ATG7: variants seen among roughly 807,000 people sequenced by gnomAD.
The protein encoded by ATG7 is ubiquitin-like modifier-activating enzyme ATG7.
Under a neutral mutation model 82.4 loss-of-function variants are expected in ATG7, and 70 were observed. The observed-to-expected ratio is 0.85, with a 90% CI of 0.70 to 1.04. ATG7 has a LOEUF of 1.04. ATG7 is among the 50% of genes least tolerant of loss of function. The pLI, the probability that ATG7 is intolerant of heterozygous loss-of-function variation, is 0.00. For synonymous variants in ATG7, 287 were observed against 313.0 expected (o/e 0.92, Z 0.88); for missense variants, 792 against 864.3 (o/e 0.92, Z 1.05).
rs1167104398 is a variant in ATG7 at position 11,348,203 on chromosome 3, AAC to A, written c.1284+172_1284+173del. On this transcript the variant is annotated intron_variant, in intron 14 of 20. Coordinates refer to ENST00000693202, the MANE Select transcript of ATG7 (RefSeq NM_001349232.2). Reference sequence around the variant, plus strand: ...TCCTCATCTCAGAGAGGGATAAAAAAACACAACCAGGTCAGGCATGGTGGCTC... The same window carrying A: ...TCCTCATCTCAGAGAGGGATAAAAAAACAACCAGGTCAGGCATGGTGGCTC... The A allele has an allele frequency of 2.3e-5, 22 of 956,658 alleles. No homozygotes were observed. In the African/African-American group the frequency reaches 2.6e-4, roughly 11 times the overall value. The allele number at this position is 956,658 out of a possible 1,614,324, so 59.3% of individuals were successfully genotyped here. A position where few individuals can be genotyped will look rare whatever the true frequency, so the allele number is the denominator to read the frequency against.
At chr3:11,364,340 G>A (rs1312423232) in intron 17 of ATG7, among the ~76,000 whole-genome samples, 3 of 152,142 alleles carry the variant, frequency 2.0e-5, no homozygotes, top group Admixed American at 6.5e-5. Flanking sequence ...CATTGCACTC[G>A]GCAGTTGATG....
At chr3:11,284,052 T>G (rs934654429) in intron 3 of ATG7, among the ~76,000 whole-genome samples, 14 of 152,236 alleles carry the variant, frequency 9.2e-5, no homozygotes, top group Admixed American at 8.5e-4. Context: ...TTATGGAAAC[T>G]AGAGGCCTGT....
At chr3:11,558,623 C>T, downstream of ATG7, 2 of 1,608,668 alleles carry the variant, frequency 1.2e-6, no homozygotes, top group Non-Finnish European at 1.7e-6. Flanking sequence ...GGGCTGGCCC[C>T]TGCGAGAGGC....
intron 20 of ATG7, among the ~76,000 whole-genome samples, chr3:11,508,359 T>G (rs1392029319): frequency 6.6e-6 from 1 of 151,764 alleles, no homozygotes; most frequent in Admixed American, 6.6e-5. Flanking sequence ...AAGAAAAAAT[T>G]CATACTGTTT....
At chr3:11,298,312 C>G (rs1464484785) in intron 3 of ATG7, among the ~76,000 whole-genome samples, 3 of 152,158 alleles carry the variant, frequency 2.0e-5, no homozygotes, top group Non-Finnish European at 4.4e-5. Context: ...ATGCCATTTA[C>G]ATGAAGTAGT....
intron 20 of ATG7, among the ~76,000 whole-genome samples, chr3:11,453,803 G>C (rs1442404969): frequency 6.6e-6 from 1 of 152,188 alleles, no homozygotes; most frequent in Non-Finnish European, 1.5e-5. Flanking sequence ...CCTCAGTGAT[G>C]GGGGAGTGCA....
At chr3:11,276,973 A>T (rs896056649) in intron 1 of ATG7, among the ~76,000 whole-genome samples, 1 of 151,648 alleles carries the variant, frequency 6.6e-6, no homozygotes, top group Non-Finnish European at 1.5e-5. Flanking sequence ...AATCTTGCCA[A>T]TTCCTCTCCT....
At chr3:11,516,841 G>C (rs1206524766) in intron 20 of ATG7, among the ~76,000 whole-genome samples, 1 of 152,224 alleles carries the variant, frequency 6.6e-6, no homozygotes, top group East Asian at 1.9e-4. Context: ...GCAACACTTT[G>C]GGAGGCTGAG....
At chr3:11,423,278 G>A (rs926984419) in intron 19 of ATG7, among the ~76,000 whole-genome samples, 2 of 152,080 alleles carry the variant, frequency 1.3e-5, no homozygotes, top group Non-Finnish European at 2.9e-5. Flanking sequence ...ACAGTTTGTG[G>A]TGCCCCAAAA....
intron 20 of ATG7, among the ~76,000 whole-genome samples, chr3:11,461,058 C>A (rs530874512): frequency 1.3e-5 from 2 of 152,270 alleles, no homozygotes; most frequent in African/African-American, 4.8e-5. Context: ...TCCAATCTAC[C>A]ACAATGGGTC....
At chr3:11,498,480 C>T (rs1480203975) in intron 20 of ATG7, among the ~76,000 whole-genome samples, 3 of 152,142 alleles carry the variant, frequency 2.0e-5, no homozygotes, top group South Asian at 4.1e-4. Context: ...GGCCACCTGC[C>T]TCTACCTTCT....
At chr3:11,441,811 C>T (rs749789736) in intron 20 of ATG7, among the ~76,000 whole-genome samples, 1 of 151,538 alleles carries the variant, frequency 6.6e-6, no homozygotes, top group East Asian at 1.9e-4. Flanking sequence ...GGACTACAGG[C>T]GCCTGCCACC....
chr3:11,363,670 A>G (rs1316714316), intron 17 of ATG7, among the ~76,000 whole-genome samples: 1 of 152,260 alleles, frequency 6.6e-6, no homozygotes, highest in Non-Finnish European at 1.5e-5. Context: ...TAGTAAATGG[A>G]AAAGCCAGGG....
intron 1 of ATG7, among the ~76,000 whole-genome samples, chr3:11,279,878 TTCTGTTTTGTTG>T (rs1423607366): frequency 1.3e-5 from 2 of 152,150 alleles, no homozygotes; most frequent in African/African-American, 2.4e-5. Flanking sequence ...CCGATTCCTC[TTCTGTTTTGTTG>T]TCTGTTTTGG....
intron 19 of ATG7, among the ~76,000 whole-genome samples, chr3:11,423,347 A>T (rs1210216817): frequency 2.0e-5 from 3 of 152,226 alleles, no homozygotes; most frequent in African/African-American, 7.2e-5. Flanking sequence ...AGATATAATA[A>T]TAATGAAAAA....
intron 19 of ATG7, among the ~76,000 whole-genome samples, chr3:11,386,649 G>C (rs2078337002): frequency 6.6e-6 from 1 of 152,158 alleles, no homozygotes; most frequent in Non-Finnish European, 1.5e-5. Flanking sequence ...CTTTCCAAAA[G>C]GGATATAAAT....
chr3:11,293,778 G>T (rs1430561234), intron 3 of ATG7, among the ~76,000 whole-genome samples: 1 of 151,738 alleles, frequency 6.6e-6, no homozygotes, highest in African/African-American at 2.4e-5. Context: ...GTGAACCCAG[G>T]AGGCAGAGGT....
chr3:11,469,904 C>G (rs13326356), intron 20 of ATG7, among the ~76,000 whole-genome samples: 1 of 145,884 alleles, frequency 6.9e-6, no homozygotes, highest in South Asian at 2.2e-4. Flanking sequence ...GCAGGAGAAT[C>G]TCTTGAACCT....
intron 14 of ATG7, among the ~76,000 whole-genome samples, chr3:11,350,302 T>C (rs933159557): frequency 6.6e-6 from 1 of 152,206 alleles, no homozygotes; most frequent in South Asian, 2.1e-4. Flanking sequence ...ACCCTGTCAT[T>C]GAGGAGGCAT....
Sources: allele counts gnomAD v4.1 joint callset (sites outside exome capture counted in the v4.1 genomes callset), GRCh38; gene constraint gnomAD v4.1.1; transcripts MANE v1.5; gene names NCBI Gene and HGNC (gene_info 2026-07-23, HGNC 2026-07-21).